The following RANBP17 variants were observed in gnomAD, a reference collection of about 807,000 sequenced individuals.
RANBP17 encodes RAN binding protein 17.
In RANBP17, 158 loss-of-function variants were observed where a neutral mutation model predicts 141.2. That is an observed-to-expected ratio of 1.12 (90% confidence interval 0.98 to 1.28). The LOEUF (loss-of-function observed/expected upper bound fraction) is 1.28, where lower values mean the gene tolerates loss of function less well. Ranked by LOEUF, RANBP17 falls within the 50% of genes most tolerant of loss-of-function variation. The probability of loss-of-function intolerance (pLI) is 0.00; values close to 1 mark genes in which losing one functional copy is unlikely to be tolerated. For synonymous variants in RANBP17, 430 were observed against 450.0 expected (o/e 0.96, Z 0.56); for missense variants, 1,438 against 1,290.7 (o/e 1.11, Z -1.75).
intron 25 of RANBP17, chr5:171,271,040 T>C (rs1425806820): frequency 9.6e-4 from 106 of 110,052 alleles, no homozygotes; most frequent in Non-Finnish European, 6.8e-4. Flanking sequence ...TTTCTCTCCC[T>C]TTTCTCCCTT....
chr5:170,987,132 A>G (rs1561960268), intron 14 of RANBP17, among the ~76,000 whole-genome samples: 3 of 151,792 alleles, frequency 2.0e-5, no homozygotes, highest in Non-Finnish European at 3.0e-5. Flanking sequence ...TACCTTTTAA[A>G]CACTAAACAT....
intron 25 of RANBP17, among the ~76,000 whole-genome samples, chr5:171,274,111 AGTGT>A (rs372324815): frequency 0.023 from 3,309 of 143,098 alleles, 47 homozygotes; most frequent in Middle Eastern, 0.077. Context: ...AGTTTGATCA[AGTGT>A]GTGTGTGTGT....
chr5:171,169,151 T>C (rs1431085932), intron 14 of RANBP17, among the ~76,000 whole-genome samples: 1 of 152,088 alleles, frequency 6.6e-6, no homozygotes, highest in Non-Finnish European at 1.5e-5. Context: ...CTTCATGACC[T>C]ATGGTGGTGT....
chr5:171,176,237 A>G (rs1460522457), intron 16 of RANBP17, among the ~76,000 whole-genome samples: 2 of 151,968 alleles, frequency 1.3e-5, no homozygotes, highest in South Asian at 2.1e-4. Context: ...CAAAGAATCT[A>G]TTTTCTATCA....
intron 14 of RANBP17, among the ~76,000 whole-genome samples, chr5:171,023,935 T>TC (rs1781058698): frequency 6.6e-6 from 1 of 152,246 alleles, no homozygotes; most frequent in African/African-American, 2.4e-5. Flanking sequence ...TAATCCAGTT[T>TC]TTTGTTGTTG....
At chr5:170,947,341 GATACA>G (rs767215466) in intron 12 of RANBP17, among the ~76,000 whole-genome samples, 11 of 152,032 alleles carry the variant, frequency 7.2e-5, no homozygotes, top group South Asian at 2.1e-4. Context: ...AGGCTCTGGA[GATACA>G]ATAGAGAACA....
intron 23 of RANBP17, among the ~76,000 whole-genome samples, chr5:171,242,271 G>T (rs1764923926): frequency 6.6e-6 from 1 of 152,066 alleles, no homozygotes; most frequent in South Asian, 2.1e-4. Flanking sequence ...TAGTTAGATG[G>T]ATTAGCATTA....
At chr5:171,063,220 G>T (rs1338288627) in intron 14 of RANBP17, among the ~76,000 whole-genome samples, 1 of 150,662 alleles carries the variant, frequency 6.6e-6, no homozygotes, top group Non-Finnish European at 1.5e-5. Flanking sequence ...CTTTCCTTTG[G>T]AGGAGGAGAG....
intron 24 of RANBP17, among the ~76,000 whole-genome samples, chr5:171,244,037 G>A (rs900584468): frequency 2.0e-5 from 3 of 152,010 alleles, no homozygotes; most frequent in Non-Finnish European, 2.9e-5. Flanking sequence ...GCAGTGAGCC[G>A]AGACTGCACC....
chr5:171,054,222 C>G lies in RANBP17; in HGVS notation c.1710+85845C>G, dbSNP rs533802316. 2.3e-4 allele frequency among the ~76,000 whole-genome samples: 35 copies of G among 151,936 alleles called. 1 individual carries two copies. In the South Asian group the frequency reaches 7.1e-3, roughly 31 times the overall value. ...TTCGGGGGTTTTTTGTTCACTTGTT[C>G]ATTTTTAAAGTGAAAGCAAGTTTAT... On this transcript the variant is annotated intron_variant, in intron 14 of 27. Coordinates refer to ENST00000523189, the MANE Select transcript of RANBP17 (RefSeq NM_022897.5).
At chr5:171,172,789 A>G (rs988898453) in intron 16 of RANBP17, among the ~76,000 whole-genome samples, 1 of 151,792 alleles carries the variant, frequency 6.6e-6, no homozygotes, top group African/African-American at 2.4e-5. Context: ...AATTTGCATA[A>G]TGCCTAATTT....
intron 14 of RANBP17, among the ~76,000 whole-genome samples, chr5:171,088,688 C>T (rs1350142659): frequency 6.6e-6 from 1 of 152,064 alleles, no homozygotes; most frequent in African/African-American, 2.4e-5. Context: ...CTCTAAACTT[C>T]CCTTCTCGCT....
chr5:171,080,880 G>A (rs1378756210), intron 14 of RANBP17, among the ~76,000 whole-genome samples: 5 of 152,184 alleles, frequency 3.3e-5, no homozygotes, highest in Non-Finnish European at 7.4e-5. Flanking sequence ...TGTATGAAAA[G>A]AGAGGACCAT....
chr5:171,177,688 T>C (rs1193034483), intron 16 of RANBP17, among the ~76,000 whole-genome samples: 1 of 152,242 alleles, frequency 6.6e-6, no homozygotes, highest in Non-Finnish European at 1.5e-5. Flanking sequence ...AGTCCTTTAA[T>C]ACTAAATGTT....
intron 14 of RANBP17, among the ~76,000 whole-genome samples, chr5:171,136,801 CAATT>C (rs1171495127): frequency 6.6e-6 from 1 of 152,120 alleles, no homozygotes; most frequent in African/African-American, 2.4e-5. Context: ...TTGATGTACA[CAATT>C]AAATAAAAAT....
chr5:171,105,381 C>A (rs1271907697), intron 14 of RANBP17, among the ~76,000 whole-genome samples: 202 of 54,216 alleles, frequency 3.7e-3, no homozygotes, highest in East Asian at 4.5e-3. Context: ...GACTCCGTCT[C>A]AAAAAAAAAA....
chr5:171,062,306 C>T (rs1366230496), intron 14 of RANBP17, among the ~76,000 whole-genome samples: 2 of 152,116 alleles, frequency 1.3e-5, no homozygotes, highest in Non-Finnish European at 2.9e-5. Flanking sequence ...ACCGGTTGTT[C>T]CTTTCCATGT....
intron 8 of RANBP17, among the ~76,000 whole-genome samples, chr5:170,915,890 A>G (rs549393616): frequency 1.6e-4 from 25 of 152,274 alleles, no homozygotes; most frequent in African/African-American, 3.8e-4. Context: ...TTGAGAGCCT[A>G]TTAAATGTAT....
At chr5:171,218,417 A>G (rs1763355300) in intron 21 of RANBP17, among the ~76,000 whole-genome samples, 1 of 152,340 alleles carries the variant, frequency 6.6e-6, no homozygotes, top group Middle Eastern at 3.4e-3. Flanking sequence ...TACTTGGTCC[A>G]GAGCTGAGTT....
Sources: allele counts gnomAD v4.1 joint callset (sites outside exome capture counted in the v4.1 genomes callset), GRCh38; gene constraint gnomAD v4.1.1; transcripts MANE v1.5; gene names NCBI Gene and HGNC (gene_info 2026-07-23, HGNC 2026-07-21).